The following KLF12 variants were observed in gnomAD, a reference collection of about 807,000 sequenced individuals.
KLF12 encodes Krueppel-like factor 12.
KLF12 carries 9 observed loss-of-function variants against 37.8 expected under a neutral mutation model. The ratio of observed to expected loss-of-function variants is 0.24; its 90% CI spans 0.14 to 0.42. KLF12 has a LOEUF of 0.42. Among genes scored for constraint, KLF12 ranks in the 10% least tolerant of loss-of-function variants. KLF12 has a pLI of 1.00. For missense variants in KLF12, 411 were observed against 516.0 expected (o/e 0.80, Z 1.97); for synonymous variants, 208 against 202.1 (o/e 1.03, Z -0.25).
At chr13:73,830,544 A>C (rs957886245) in intron 4 of KLF12, among the ~76,000 whole-genome samples, 3 of 152,234 alleles carry the variant, frequency 2.0e-5, no homozygotes, top group Admixed American at 6.5e-5. Flanking sequence ...CTAAAACTGT[A>C]ATGTTATAAT....
intron 1 of KLF12, among the ~76,000 whole-genome samples, chr13:74,033,290 G>A (rs1291248818): frequency 1.3e-5 from 2 of 152,174 alleles, no homozygotes; most frequent in African/African-American, 4.8e-5. Flanking sequence ...TCTATTTGGT[G>A]TATGCCCTTT....
intron 1 of KLF12, among the ~76,000 whole-genome samples, chr13:74,083,412 T>C (rs1875041679): frequency 6.6e-6 from 1 of 151,032 alleles, no homozygotes; most frequent in East Asian, 1.9e-4. Flanking sequence ...CAGGCTGAGG[T>C]GGGAGGATCA....
chr13:74,293,226 G>C, the KLF12 span, among the ~76,000 whole-genome samples: 1 of 152,210 alleles, frequency 6.6e-6, no homozygotes, highest in Non-Finnish European at 1.5e-5. Context: ...CTTTAGGGTA[G>C]ATGAGGTGTG....
At chr13:73,869,767 C>T (rs959000754) in intron 3 of KLF12, among the ~76,000 whole-genome samples, 1 of 152,054 alleles carries the variant, frequency 6.6e-6, no homozygotes, top group Non-Finnish European at 1.5e-5. Context: ...GGTCTCTGAT[C>T]AATTTCTCTT....
intron 1 of KLF12, among the ~76,000 whole-genome samples, chr13:74,122,960 TAAAAA>T (rs58691841): frequency 1.8e-5 from 2 of 113,890 alleles, no homozygotes; most frequent in Admixed American, 9.2e-5. Flanking sequence ...AACAGGTCAC[TAAAAA>T]AAAAAAAAAA....
chr13:73,990,294 G>GA lies in KLF12; in HGVS notation c.33+4695dup, dbSNP rs970487500. ...CTCAGAGATTAAGAGCAAGATCCAA[G>GA]AAAAAATGGAACAGAATGACAAAAA... On this transcript the variant is annotated intron_variant, in intron 2 of 7. Coordinates refer to ENST00000377669, the MANE Select transcript of KLF12 (RefSeq NM_007249.5). Among the ~76,000 whole-genome samples the GA allele has an allele frequency of 6.5e-4, 99 of 152,020 alleles. 1 individual carries two copies. The highest frequency in any genetic ancestry group is 2.3e-3 in the African/African-American group (97 of 41,506).
At chr13:73,719,617 T>C (rs1876083216) in intron 6 of KLF12, among the ~76,000 whole-genome samples, 1 of 151,968 alleles carries the variant, frequency 6.6e-6, no homozygotes, top group Non-Finnish European at 1.5e-5. Context: ...CTTTTTTTTT[T>C]TGAGATAGGG....
chr13:73,846,059 C>T lies in KLF12; in HGVS notation c.438G>A (p.Gly146=), dbSNP rs1410217560. The T allele has an allele frequency of 1.4e-5, 23 of 1,613,870 alleles. No homozygotes were observed. In the East Asian group the frequency reaches 4.0e-4, roughly 28 times the overall value. Reference sequence around the variant, plus strand: ...CACCAGATGCAGAGGCCACAAGGGGCCCTGGAGTTAATACTGTTGACGAAG... The same window carrying T: ...CACCAGATGCAGAGGCCACAAGGGGTCCTGGAGTTAATACTGTTGACGAAG... Residue 146 remains glycine, a synonymous_variant, in exon 4 of 8, where the codon GGG becomes GGA. Transcript: ENST00000377669.
chr13:74,154,001 G>T, the KLF12 span, among the ~76,000 whole-genome samples: 1 of 151,904 alleles, frequency 6.6e-6, no homozygotes, highest in Non-Finnish European at 1.5e-5. Context: ...GCCAAGGCAG[G>T]CAGATCACGA....
At chr13:74,069,004 A>G (rs146225435) in intron 1 of KLF12, among the ~76,000 whole-genome samples, 29 of 152,254 alleles carry the variant, frequency 1.9e-4, no homozygotes, top group African/African-American at 6.5e-4. Context: ...TGTGCCAGGG[A>G]CTGTGACAGC....
At chr13:73,938,975 C>T (rs1890071352) in intron 3 of KLF12, among the ~76,000 whole-genome samples, 2 of 152,200 alleles carry the variant, frequency 1.3e-5, no homozygotes, top group South Asian at 2.1e-4. Flanking sequence ...ATCTGTCTTC[C>T]ACTCAATTAC....
chr13:73,770,045 A>G (rs929126886), intron 5 of KLF12, among the ~76,000 whole-genome samples: 9 of 152,222 alleles, frequency 5.9e-5, no homozygotes, highest in African/African-American at 2.2e-4. Flanking sequence ...TTAAATGATT[A>G]TCTATACATT....
rs1874340704 is a variant in KLF12, at chr13:73,698,910, G to C, written c.1028-3239C>G. 2.0e-5 allele frequency among the ~76,000 whole-genome samples: 3 copies of C among 152,246 alleles called. No individual in the cohort carries two copies. In the South Asian group the frequency reaches 6.2e-4, roughly 32 times the overall value. On this transcript the variant is annotated intron_variant, in intron 7 of 7. Transcript: ENST00000377669. ...TATTACACATTGGGTGTTGGAAATGGGTGGGTGAGGGAATGTTTTAGTTAC... is the reference window on the plus strand; with the variant it reads ...TATTACACATTGGGTGTTGGAAATGCGTGGGTGAGGGAATGTTTTAGTTAC...
chr13:74,186,026 T>C, the KLF12 span, among the ~76,000 whole-genome samples: 7 of 152,176 alleles, frequency 4.6e-5, no homozygotes, highest in African/African-American at 1.7e-4. Context: ...TTATTAGCTA[T>C]GACTAATGAT....
chr13:73,971,572 G>T (rs1417043732), intron 2 of KLF12, among the ~76,000 whole-genome samples: 1 of 152,060 alleles, frequency 6.6e-6, no homozygotes, highest in Admixed American at 6.6e-5. Context: ...TACTATGGAG[G>T]CCCCTGATTT....
intron 7 of KLF12, among the ~76,000 whole-genome samples, chr13:73,704,668 A>G (rs1381125772): frequency 6.6e-6 from 1 of 152,180 alleles, no homozygotes; most frequent in East Asian, 1.9e-4. Context: ...ACTTTTTGAA[A>G]GATAATCTGA....
chr13:74,051,345 C>CACAT (rs1872913924), intron 1 of KLF12, among the ~76,000 whole-genome samples: 1 of 146,596 alleles, frequency 6.8e-6, no homozygotes, highest in African/African-American at 2.6e-5. Context: ...CACACAAACA[C>CACAT]ACACACACAC....
the KLF12 span, among the ~76,000 whole-genome samples, chr13:74,208,979 G>A: frequency 6.6e-6 from 1 of 151,996 alleles, no homozygotes; most frequent in Non-Finnish European, 1.5e-5. Context: ...TCATACGGGA[G>A]CACTAAATAC....
chr13:73,745,341 G>C (rs372247391), intron 6 of KLF12, among the ~76,000 whole-genome samples: 74 of 152,282 alleles, frequency 4.9e-4, no homozygotes, highest in Middle Eastern at 3.4e-3. Flanking sequence ...ACTATGAATG[G>C]AGTTGTGTCA....
Sources: gnomAD v4.1 joint callset for allele counts (sites outside exome capture counted in the v4.1 genomes callset) on GRCh38, gnomAD v4.1.1 for gene constraint, MANE v1.5 for transcripts, NCBI Gene and HGNC (gene_info 2026-07-23, HGNC 2026-07-21) for gene names.